The following CHMP4B variants were observed in gnomAD, a reference collection of about 807,000 sequenced individuals.
The protein encoded by CHMP4B is SNF7 homolog associated with Alix 1.
Under a neutral mutation model 25.1 loss-of-function variants are expected in CHMP4B, and 1 was observed. The ratio of observed to expected loss-of-function variants is 0.04; its 90% confidence interval spans 0.01 to 0.19. The LOEUF is 0.19. Ranked by LOEUF, CHMP4B falls within the 10% of genes least tolerant of loss-of-function variation. CHMP4B has a pLI of 1.00. For synonymous variants in CHMP4B, 101 were observed against 115.6 expected (o/e 0.87, Z 0.81); for missense variants, 151 against 289.7 (o/e 0.52, Z 3.48).
At chr20:33,813,703 A>T (rs1978703885) in intron 1 of CHMP4B, among the ~76,000 whole-genome samples, 2 of 151,936 alleles carry the variant, frequency 1.3e-5, no homozygotes, top group Admixed American at 1.3e-4. Context: ...GAGCTAGCTT[A>T]GTTTCTGGAG....
chr20:33,811,824 C>G (rs1245535287), intron 1 of CHMP4B, among the ~76,000 whole-genome samples, 166 bp downstream of exon 1: 1 of 152,230 alleles, frequency 6.6e-6, no homozygotes, highest in East Asian at 1.9e-4. Context: ...CCTTCAATGT[C>G]TCCCCGATCC....
At chr20:33,834,174 G>A (rs1226466663) in intron 1 of CHMP4B, among the ~76,000 whole-genome samples, 1 of 152,014 alleles carries the variant, frequency 6.6e-6, no homozygotes, top group African/African-American at 2.4e-5. Flanking sequence ...CAATCTTGTT[G>A]AACTTCTCGA....
rs114998856 is a variant in CHMP4B at position 33,853,296 on chromosome 20, C to T, written c.611-200C>T. 2.6e-3 allele frequency among the ~76,000 whole-genome samples: 402 copies of T among 152,222 alleles called. 2 individuals are homozygous for T. The highest frequency in any genetic ancestry group is 9.3e-3 in the African/African-American group (386 of 41,520). On this transcript the variant is annotated intron_variant, in intron 4 of 4. Transcript: ENST00000217402. ...TGCTGGAGGCGGAGGGTGGGTGCTG[C>T]CAAACTGTGCTTGGTTTTCCAGAGT...
At chr20:33,827,771 TG>T (rs1272441612) in intron 1 of CHMP4B, among the ~76,000 whole-genome samples, 1 of 152,172 alleles carries the variant, frequency 6.6e-6, no homozygotes, top group Non-Finnish European at 1.5e-5. Context: ...TTAAGCACAC[TG>T]GGGTAAGACT....
At chr20:33,844,863 A>G (rs1397766786) in intron 1 of CHMP4B, among the ~76,000 whole-genome samples, 2 of 150,308 alleles carry the variant, frequency 1.3e-5, no homozygotes, top group African/African-American at 4.9e-5. Flanking sequence ...GGCTCACGCC[A>G]TTCTCCTGCC....
chr20:33,845,068 C>T (rs1441091179), intron 1 of CHMP4B, among the ~76,000 whole-genome samples: 1 of 151,958 alleles, frequency 6.6e-6, no homozygotes, highest in Admixed American at 6.6e-5. Context: ...CGAGTGTTTG[C>T]TCTTATGAAC....
chr20:33,812,011 C>A (rs1039801044), intron 1 of CHMP4B, among the ~76,000 whole-genome samples: 1 of 152,198 alleles, frequency 6.6e-6, no homozygotes, highest in Non-Finnish European at 1.5e-5. Context: ...CCTGCCTCCT[C>A]CTCGGCTCAT....
rs199832068 is a variant in CHMP4B at position 33,848,659 on chromosome 20, G to T, written c.368+15G>T. Reference sequence around the variant, plus strand: ...CATGACAACATGTACGTGTCCACCCGCCCCTGCGCCACAGGGCAGTGCTAG... The same window carrying T: ...CATGACAACATGTACGTGTCCACCCTCCCCTGCGCCACAGGGCAGTGCTAG... On this transcript the variant is annotated intron_variant, in intron 2 of 4. Coordinates refer to ENST00000217402, the MANE Select transcript of CHMP4B (RefSeq NM_176812.5). 29 of 1,613,754 alleles carry T rather than the reference G, an allele frequency of 1.8e-5. No homozygotes were observed. The Middle Eastern group carries it at 6.6e-4, about 37-fold the overall frequency.
At chr20:33,820,552 G>A (rs750192765) in intron 1 of CHMP4B, among the ~76,000 whole-genome samples, 4 of 152,168 alleles carry the variant, frequency 2.6e-5, no homozygotes, top group Non-Finnish European at 5.9e-5. Flanking sequence ...CCTCTGAGGT[G>A]CTTAAAATCT....
Position 33,831,251 on chromosome 20 carries a change from C to T in CHMP4B, c.191-17216C>T, listed in dbSNP as rs535081857. On this transcript the variant is annotated intron_variant, in intron 1 of 4. Coordinates refer to ENST00000217402, the MANE Select transcript of CHMP4B (RefSeq NM_176812.5). ...CTAGGATTACAGGCACGTACCACCA[C>T]GCCTGGCTATTTTTAGTGGAGACGG... 9.2e-5 allele frequency among the ~76,000 whole-genome samples: 14 copies of T among 152,256 alleles called. No individual in the cohort carries two copies. In the South Asian group the frequency reaches 2.1e-3, roughly 23 times the overall value.
chr20:33,835,802 C>T (rs747332522), intron 1 of CHMP4B, among the ~76,000 whole-genome samples: 3 of 152,230 alleles, frequency 2.0e-5, no homozygotes, highest in Admixed American at 1.3e-4. Flanking sequence ...AGGGCTCAGG[C>T]TGCATCCACT....
intron 1 of CHMP4B, among the ~76,000 whole-genome samples, chr20:33,840,267 C>T (rs1979500588): frequency 6.7e-6 from 1 of 149,666 alleles, no homozygotes; most frequent in Non-Finnish European, 1.5e-5. Context: ...AGGGGGGGGA[C>T]AGGACAGGGA....
intron 2 of CHMP4B, among the ~76,000 whole-genome samples, chr20:33,849,523 A>G (rs1254300613): frequency 1.3e-5 from 2 of 152,192 alleles, no homozygotes; most frequent in Non-Finnish European, 2.9e-5. Flanking sequence ...GTTTGAACCC[A>G]GGAAGTGGAA....
intron 1 of CHMP4B, among the ~76,000 whole-genome samples, chr20:33,843,135 G>T (rs905633199): frequency 6.6e-6 from 1 of 152,206 alleles, no homozygotes; most frequent in African/African-American, 2.4e-5. Context: ...GCTTCTTAGG[G>T]TATCTGTTCT....
At chr20:33,828,411 T>C (rs914787199) in intron 1 of CHMP4B, among the ~76,000 whole-genome samples, 2 of 152,122 alleles carry the variant, frequency 1.3e-5, no homozygotes, top group Non-Finnish European at 1.5e-5. Flanking sequence ...GAAAATAAAG[T>C]TAAAGTGCCA....
intron 1 of CHMP4B, among the ~76,000 whole-genome samples, chr20:33,820,021 A>C (rs184188051): frequency 6.0e-4 from 91 of 151,894 alleles, no homozygotes; most frequent in South Asian, 2.9e-3. Context: ...CAAAAAAAAA[A>C]ACCAAAATTA....
At chr20:33,833,922 A>G (rs1238585483) in intron 1 of CHMP4B, among the ~76,000 whole-genome samples, 1 of 152,216 alleles carries the variant, frequency 6.6e-6, no homozygotes, top group Non-Finnish European at 1.5e-5. Flanking sequence ...CTAGCAGGGT[A>G]TCATGAGCAA....
At chr20:33,820,107 G>A (rs530339783) in intron 1 of CHMP4B, among the ~76,000 whole-genome samples, 112 of 152,156 alleles carry the variant, frequency 7.4e-4, no homozygotes, top group African/African-American at 2.6e-3. Flanking sequence ...GAACCCGAGA[G>A]CCGGAGCTTG....
chr20:33,837,951 AGCACCTAATCC>A (rs989449058), intron 1 of CHMP4B, among the ~76,000 whole-genome samples: 7 of 152,230 alleles, frequency 4.6e-5, no homozygotes, highest in African/African-American at 1.7e-4. Flanking sequence ...ACCTAGAGAG[AGCACCTAATCC>A]GCCCTTCTTG....
Sources: gnomAD v4.1 joint callset for allele counts (sites outside exome capture counted in the v4.1 genomes callset) on GRCh38, gnomAD v4.1.1 for gene constraint, MANE v1.5 for transcripts, NCBI Gene and HGNC (gene_info 2026-07-23, HGNC 2026-07-21) for gene names.